CELF4: variants seen among roughly 807,000 people sequenced by gnomAD.
CELF4 encodes CUG-BP- and ETR-3-like factor 4.
CELF4 carries 18 observed loss-of-function variants against 59.9 expected under a neutral mutation model. The observed-to-expected ratio is 0.30, with a 90% CI of 0.21 to 0.45. The LOEUF is 0.45. Among genes scored for constraint, CELF4 ranks in the 20% least tolerant of loss-of-function variants. The pLI, the probability that CELF4 is intolerant of heterozygous loss-of-function variation, is 1.00. For missense variants in CELF4, 456 were observed against 689.0 expected (o/e 0.66, Z 3.79); for synonymous variants, 261 against 267.1 (o/e 0.98, Z 0.22).
intron 1 of CELF4, among the ~76,000 whole-genome samples, chr18:37,505,295 C>T (rs1481728133): frequency 6.6e-6 from 1 of 152,234 alleles, no homozygotes; most frequent in Non-Finnish European, 1.5e-5. Context: ...CTCGTCTCCA[C>T]ACTCCCTTTC....
intron 2 of CELF4, among the ~76,000 whole-genome samples, chr18:37,375,628 G>A (rs1028116737): frequency 4.6e-5 from 7 of 152,154 alleles, no homozygotes; most frequent in Admixed American, 2.0e-4. Flanking sequence ...AGAGAAGGAA[G>A]AGGCTTCCCT....
At chr18:37,334,015 C>A (rs139363510) in intron 2 of CELF4, among the ~76,000 whole-genome samples, 1 of 152,148 alleles carries the variant, frequency 6.6e-6, no homozygotes, top group African/African-American at 2.4e-5. Flanking sequence ...GAATGCCCAG[C>A]CATGCAGTCC....
At chr18:37,541,154 T>A (rs1370414186) in intron 1 of CELF4, among the ~76,000 whole-genome samples, 1 of 152,086 alleles carries the variant, frequency 6.6e-6, no homozygotes, top group Non-Finnish European at 1.5e-5. Context: ...AATTTATACC[T>A]CCAGCCCAGA....
chr18:37,256,264 A>T (rs565124582), intron 11 of CELF4, among the ~76,000 whole-genome samples: 1 of 152,310 alleles, frequency 6.6e-6, no homozygotes, highest in South Asian at 2.1e-4. Context: ...ACATAGGAAC[A>T]TTTGTGCTAG....
intron 3 of CELF4, among the ~76,000 whole-genome samples, chr18:37,312,551 G>A (rs973083997): frequency 6.6e-6 from 1 of 152,192 alleles, no homozygotes; most frequent in East Asian, 1.9e-4. Context: ...GGTGTTCAAG[G>A]GAAAACATGC....
At chr18:37,379,244 C>A (rs1974651973) in intron 2 of CELF4, among the ~76,000 whole-genome samples, 1 of 152,184 alleles carries the variant, frequency 6.6e-6, no homozygotes, top group South Asian at 2.1e-4. Flanking sequence ...CTCCCTAAGG[C>A]AGAGGCTGTC....
intron 2 of CELF4, among the ~76,000 whole-genome samples, chr18:37,379,344 A>G (rs961129607): frequency 1.3e-5 from 2 of 151,812 alleles, no homozygotes; most frequent in Non-Finnish European, 2.9e-5. Flanking sequence ...CCTAAAAGGG[A>G]TTGGGAGTAT....
intron 1 of CELF4, among the ~76,000 whole-genome samples, chr18:37,535,701 C>T (rs1479845871): frequency 6.6e-6 from 1 of 152,152 alleles, no homozygotes; most frequent in Non-Finnish European, 1.5e-5. Context: ...TCAAGCCAGC[C>T]CTGAGCACCC....
intron 1 of CELF4, among the ~76,000 whole-genome samples, chr18:37,516,274 T>C (rs2099950544): frequency 6.6e-6 from 1 of 152,162 alleles, no homozygotes; most frequent in Non-Finnish European, 1.5e-5. Context: ...TTTCCTCTGC[T>C]GGGAGGCTCC....
intron 2 of CELF4, among the ~76,000 whole-genome samples, chr18:37,456,129 C>T (rs2099777573): frequency 6.6e-6 from 1 of 152,194 alleles, no homozygotes; most frequent in Admixed American, 6.5e-5. Context: ...GTGCTGGCAC[C>T]TTCCTCTTTG....
intron 2 of CELF4, among the ~76,000 whole-genome samples, chr18:37,353,029 G>A (rs1430431337): frequency 1.3e-5 from 2 of 152,118 alleles, no homozygotes; most frequent in East Asian, 1.9e-4. Context: ...AGACCATCCT[G>A]GCTAACACGG....
chr18:37,388,076 T>C (rs1347544003), intron 2 of CELF4, among the ~76,000 whole-genome samples: 3 of 152,006 alleles, frequency 2.0e-5, no homozygotes, highest in Non-Finnish European at 4.4e-5. Context: ...GGGAGGGTAC[T>C]GTACAGCGCA....
chr18:37,379,751 T>C (rs1285874023), intron 2 of CELF4, among the ~76,000 whole-genome samples: 1 of 152,132 alleles, frequency 6.6e-6, no homozygotes, highest in African/African-American at 2.4e-5. Flanking sequence ...TGCTGAAACA[T>C]GAGCAGAGCT....
chr18:37,276,758 G>T (rs974788843), intron 3 of CELF4, among the ~76,000 whole-genome samples: 1 of 152,158 alleles, frequency 6.6e-6, no homozygotes, highest in African/African-American at 2.4e-5. Context: ...ACTCAGTTTC[G>T]GGCTAAATTG....
intron 1 of CELF4, among the ~76,000 whole-genome samples, chr18:37,535,593 T>C (rs1425728622): frequency 6.6e-6 from 1 of 152,176 alleles, no homozygotes. Flanking sequence ...TGTGTGCACA[T>C]GTGGGCCGTT....
chr18:37,303,092 C>A (rs2154463417), intron 3 of CELF4, among the ~76,000 whole-genome samples: 1 of 152,262 alleles, frequency 6.6e-6, no homozygotes, highest in South Asian at 2.1e-4. Context: ...AAGGAACAGG[C>A]ATGAAAGTAC....
chr18:37,484,823 C>A (rs757627448), intron 2 of CELF4, among the ~76,000 whole-genome samples: 2 of 152,198 alleles, frequency 1.3e-5, no homozygotes, highest in Non-Finnish European at 2.9e-5. Context: ...TTTAGAAAAT[C>A]TTTAAATTAT....
intron 2 of CELF4, among the ~76,000 whole-genome samples, chr18:37,360,144 T>A (rs905387553): frequency 1.3e-5 from 2 of 152,314 alleles, no homozygotes; most frequent in South Asian, 4.1e-4. Context: ...TGAGCCACCA[T>A]GCCGGGCATT....
At chr18:37,399,733 G>C (rs906323782) in intron 2 of CELF4, among the ~76,000 whole-genome samples, 9 of 152,216 alleles carry the variant, frequency 5.9e-5, no homozygotes, top group African/African-American at 1.7e-4. Context: ...AAAAATGGTT[G>C]GTTCACGTGG....
Sources: gnomAD v4.1 joint callset for allele counts (sites outside exome capture counted in the v4.1 genomes callset) on GRCh38, gnomAD v4.1.1 for gene constraint, MANE v1.5 for transcripts, NCBI Gene and HGNC (gene_info 2026-07-23, HGNC 2026-07-21) for gene names.